FSTL4: variants seen among roughly 807,000 people sequenced by gnomAD.
FSTL4 encodes follistatin-related protein 4.
In FSTL4, 28 loss-of-function variants were observed where a neutral mutation model predicts 78.2. That is an observed-to-expected ratio of 0.36 (90% CI 0.27 to 0.49). The LOEUF (loss-of-function observed/expected upper bound fraction) is 0.49. Among genes scored for constraint, FSTL4 ranks in the 20% least tolerant of loss-of-function variants. FSTL4 has a pLI of 0.98. For missense variants in FSTL4, 922 were observed against 1,084.9 expected (o/e 0.85, Z 2.11); for synonymous variants, 422 against 440.5 (o/e 0.96, Z 0.53).
the FSTL4 span, among the ~76,000 whole-genome samples, chr5:133,638,550 AC>A: frequency 6.6e-6 from 1 of 152,014 alleles, no homozygotes; most frequent in African/African-American, 2.4e-5. Flanking sequence ...CTTCCCAGGT[AC>A]CCAGTGGGCT....
chr5:133,278,211 C>G (rs1752930841), intron 6 of FSTL4, among the ~76,000 whole-genome samples: 1 of 152,164 alleles, frequency 6.6e-6, no homozygotes, highest in South Asian at 2.1e-4. Flanking sequence ...AACGGCCAGT[C>G]TATAGGAGGG....
chr5:133,605,767 T>A (rs1172781401), intron 1 of FSTL4, among the ~76,000 whole-genome samples: 1 of 152,206 alleles, frequency 6.6e-6, no homozygotes, highest in Non-Finnish European at 1.5e-5. Context: ...CCCACTCTTA[T>A]ATCTGTTTCT....
chr5:133,410,062 T>G (rs748868698), intron 3 of FSTL4, among the ~76,000 whole-genome samples: 2 of 152,198 alleles, frequency 1.3e-5, no homozygotes, highest in Non-Finnish European at 2.9e-5. Context: ...CTTTTTCTTT[T>G]CCCTCTATTT....
chr5:133,679,847 GCCCCTTATCTCTA>G, the FSTL4 span, among the ~76,000 whole-genome samples: 2 of 152,156 alleles, frequency 1.3e-5, no homozygotes, highest in East Asian at 3.9e-4. Flanking sequence ...TATGGCAATA[GCCCCTTATCTCTA>G]CCCCTGGCAC....
chr5:133,809,103 C>A, the FSTL4 span, among the ~76,000 whole-genome samples: 2 of 151,842 alleles, frequency 1.3e-5, no homozygotes, highest in Non-Finnish European at 2.9e-5. Flanking sequence ...CGGTGGCTCA[C>A]GCCTGTAATC....
At chr5:133,642,369 TG>T in the FSTL4 span, among the ~76,000 whole-genome samples, 1 of 152,192 alleles carries the variant, frequency 6.6e-6, no homozygotes, top group African/African-American at 2.4e-5. Flanking sequence ...TTCTGCAGTG[TG>T]GGTTTGGCCA....
At chr5:133,287,586 C>A (rs1418653978) in intron 6 of FSTL4, among the ~76,000 whole-genome samples, 1 of 152,100 alleles carries the variant, frequency 6.6e-6, no homozygotes, top group Non-Finnish European at 1.5e-5. Flanking sequence ...GCATCCCAAC[C>A]AGCTCAGCCC....
chr5:133,330,849 G>C (rs568276840), intron 4 of FSTL4, among the ~76,000 whole-genome samples: 36 of 152,300 alleles, frequency 2.4e-4, no homozygotes, highest in African/African-American at 6.7e-4. Flanking sequence ...ACACTCCCAG[G>C]TACTGTGATT....
At position 133,225,887 on chromosome 5, in the gene FSTL4, C is replaced by A; in HGVS notation, c.1016-68G>T. The A allele has an allele frequency of 7.9e-7, 1 of 1,262,698 alleles. No homozygotes were observed. The highest frequency in any genetic ancestry group is 1.1e-6 in the Non-Finnish European group (1 of 945,330). The allele number at this position is 1,262,698 out of a possible 1,614,324, so 78.2% of individuals were successfully genotyped here. On this transcript the variant is annotated intron_variant, in intron 8 of 15. Transcript: ENST00000265342. This position sits in a 1 kb window ranked among gnomAD's most constrained non-coding sequence, Gnocchi z 4.6. ...ACCTGGACTTGGGCCTGTGGCCCAA[C>A]CTGAGACCCTGCTCCAGAGGGGGTG... is the stretch of plus-strand genomic sequence containing the variant.
chr5:133,737,488 T>C, the FSTL4 span, among the ~76,000 whole-genome samples: 1 of 152,256 alleles, frequency 6.6e-6, no homozygotes. Context: ...GTGCCACATA[T>C]TCTTTATTCA....
the FSTL4 span, among the ~76,000 whole-genome samples, chr5:133,785,507 C>A: frequency 1.3e-5 from 2 of 152,200 alleles, no homozygotes; most frequent in Non-Finnish European, 1.5e-5. Flanking sequence ...GAGTTTGGGA[C>A]CTTCAGCCCT....
chr5:133,663,633 G>C, the FSTL4 span, among the ~76,000 whole-genome samples: 1 of 152,246 alleles, frequency 6.6e-6, no homozygotes, highest in Non-Finnish European at 1.5e-5. Context: ...CTTTCTGCTA[G>C]AGTTGAATGA....
chr5:133,341,844 C>A (rs931536828), intron 4 of FSTL4, among the ~76,000 whole-genome samples: 1 of 152,224 alleles, frequency 6.6e-6, no homozygotes, highest in African/African-American at 2.4e-5. Flanking sequence ...AGAACACTAA[C>A]AGTATCTTAT....
the FSTL4 span, among the ~76,000 whole-genome samples, chr5:133,731,001 C>T: frequency 6.6e-6 from 1 of 152,174 alleles, no homozygotes; most frequent in African/African-American, 2.4e-5. Flanking sequence ...GGCCAGATGG[C>T]CGCTCTGATG....
At chr5:133,838,721 G>T in the FSTL4 span, among the ~76,000 whole-genome samples, 1 of 151,624 alleles carries the variant, frequency 6.6e-6, no homozygotes, top group African/African-American at 2.4e-5. Flanking sequence ...GTATCCCAGG[G>T]GAGAAAAGGA....
chr5:133,519,614 G>A (rs1245590120), intron 3 of FSTL4, among the ~76,000 whole-genome samples: 1 of 152,162 alleles, frequency 6.6e-6, no homozygotes, highest in Non-Finnish European at 1.5e-5. Context: ...GATGGTGCCT[G>A]GGCCCCTTTG....
intron 15 of FSTL4, among the ~76,000 whole-genome samples, chr5:133,200,895 T>A (rs1024799559): frequency 6.6e-6 from 1 of 152,222 alleles, no homozygotes; most frequent in African/African-American, 2.4e-5. Flanking sequence ...TCTGCTCTTA[T>A]AAGAAACTTT....
the FSTL4 span, among the ~76,000 whole-genome samples, chr5:133,719,821 T>C: frequency 6.6e-6 from 1 of 152,160 alleles, no homozygotes; most frequent in Non-Finnish European, 1.5e-5. Flanking sequence ...AAAGCTCCCA[T>C]GTCCTATATT....
rs1313938557 is a variant in FSTL4, at chr5:133,236,396, C to G, written c.895-2859G>C. ...CCGTGTGCCGGGAACTTACACGTCA[C>G]CTTGTATGTATTTAATCCTCAGGAA... On this transcript the variant is annotated intron_variant, in intron 7 of 15. Coordinates refer to ENST00000265342, the MANE Select transcript of FSTL4 (RefSeq NM_015082.2). This position sits in a 1 kb window ranked among gnomAD's most constrained non-coding sequence, Gnocchi z 5.0. Among the ~76,000 whole-genome samples, 2 of 151,694 alleles carry G rather than the reference C, an allele frequency of 1.3e-5. No homozygotes were observed. The highest frequency in any genetic ancestry group is 4.9e-5 in the African/African-American group (2 of 41,042).
Sources: allele counts gnomAD v4.1 joint callset (sites outside exome capture counted in the v4.1 genomes callset), GRCh38; gene constraint gnomAD v4.1.1; non-coding constraint Gnocchi (gnomAD v3.1); transcripts MANE v1.5; gene names NCBI Gene and HGNC (gene_info 2026-07-23, HGNC 2026-07-21).